FMN1: variants seen among roughly 807,000 people sequenced by gnomAD.
FMN1 encodes the protein formin 1.
In FMN1, 110 loss-of-function variants were observed where a neutral mutation model predicts 132.4. The ratio of observed to expected loss-of-function variants is 0.83; its 90% CI spans 0.71 to 0.97. The LOEUF is 0.97. Among genes scored for constraint, FMN1 ranks in the 50% least tolerant of loss-of-function variants. The pLI is 0.00. For synonymous variants in FMN1, 722 were observed against 651.7 expected, an observed-to-expected ratio of 1.11 and a Z score of -1.64; for missense variants, 1,792 against 1,705.3, an observed-to-expected ratio of 1.05 and a Z score of -0.90.
intron 16 of FMN1, among the ~76,000 whole-genome samples, chr15:32,884,128 T>C (rs1190834516): frequency 2.6e-5 from 4 of 152,230 alleles, no homozygotes; most frequent in African/African-American, 9.6e-5. Context: ...TATTAGTTTC[T>C]GATTGCTACT....
chr15:32,879,921 C>G (rs2059725146), intron 16 of FMN1, among the ~76,000 whole-genome samples: 1 of 152,136 alleles, frequency 6.6e-6, no homozygotes, highest in Non-Finnish European at 1.5e-5. Context: ...ACATTCTATG[C>G]ACTTTAAGAA....
rs117504528 is a variant in FMN1, at chr15:32,828,112, G to C, written c.3929-23780C>G. On this transcript the variant is annotated intron_variant, in intron 17 of 20. Coordinates refer to ENST00000616417, the MANE Select transcript of FMN1 (RefSeq NM_001277313.2). ...GTTTGAAACCAGCCTGACCAACATG[G>C]TGAAATACAAAAATTAGCCGGCATG... 3.5e-3 allele frequency among the ~76,000 whole-genome samples: 532 copies of C among 152,124 alleles called. 13 individuals are homozygous for C. In the East Asian group the frequency reaches 0.067, roughly 19 times the overall value.
At chr15:33,002,129 G>C (rs1407753791) in intron 7 of FMN1, among the ~76,000 whole-genome samples, 2 of 152,134 alleles carry the variant, frequency 1.3e-5, no homozygotes, top group African/African-American at 4.8e-5. Context: ...ATTCCAAAAA[G>C]ACCTAAATGT....
At chr15:33,040,856 C>A (rs1407785438) in intron 6 of FMN1, among the ~76,000 whole-genome samples, 1 of 152,184 alleles carries the variant, frequency 6.6e-6, no homozygotes, top group Non-Finnish European at 1.5e-5. Flanking sequence ...GAGGACAGAT[C>A]TGAAAACCAT....
intron 20 of FMN1, 76 bp downstream of exon 20, chr15:32,776,759 T>C: frequency 1.3e-6 from 1 of 799,172 alleles, no homozygotes; most frequent in Admixed American, 2.2e-5. Flanking sequence ...ATGTTTCATC[T>C]CTGAGCTTTA....
chr15:32,898,146 C>G (rs950982842), intron 15 of FMN1, among the ~76,000 whole-genome samples: 1 of 152,118 alleles, frequency 6.6e-6, no homozygotes, highest in Non-Finnish European at 1.5e-5. Flanking sequence ...ATTCTTCCCT[C>G]GATGCTTAGG....
chr15:32,964,626 C>T (rs1284936648), intron 8 of FMN1, among the ~76,000 whole-genome samples: 1 of 152,122 alleles, frequency 6.6e-6, no homozygotes, highest in Non-Finnish European at 1.5e-5. Flanking sequence ...CATATAAAGG[C>T]TGAGAAGATA....
chr15:33,186,143 G>A (rs1260672756), intron 2 of FMN1, among the ~76,000 whole-genome samples: 1 of 150,830 alleles, frequency 6.6e-6, no homozygotes, highest in Non-Finnish European at 1.5e-5. Flanking sequence ...CCAAAAGGAA[G>A]CCTCATGGCC....
At chr15:32,883,556 C>T (rs692950) in intron 16 of FMN1, among the ~76,000 whole-genome samples, 39,647 of 125,038 alleles carry the variant, frequency 0.32, 6,291 homozygotes, top group African/African-American at 0.45. Flanking sequence ...TGAGATCAAG[C>T]GGTAAGTAAT....
At chr15:32,989,275 A>T (rs1416740928) in intron 7 of FMN1, among the ~76,000 whole-genome samples, 1 of 152,200 alleles carries the variant, frequency 6.6e-6, no homozygotes, top group Admixed American at 6.5e-5. Flanking sequence ...AGGTAGGTGG[A>T]GGTACCTCTG....
intron 13 of FMN1, among the ~76,000 whole-genome samples, chr15:32,900,617 A>G (rs1161115272): frequency 6.6e-6 from 1 of 152,260 alleles, no homozygotes; most frequent in Non-Finnish European, 1.5e-5. Flanking sequence ...TTTCAGAGCT[A>G]AACTACAATA....
At chr15:33,046,071 T>C (rs757007118) in intron 6 of FMN1, among the ~76,000 whole-genome samples, 29 of 152,216 alleles carry the variant, frequency 1.9e-4, no homozygotes, top group African/African-American at 7.0e-4. Context: ...TAATTTATTA[T>C]TACTGTTATA....
chr15:32,860,345 A>T (rs550737852), intron 16 of FMN1, among the ~76,000 whole-genome samples: 1 of 152,114 alleles, frequency 6.6e-6, no homozygotes, highest in Non-Finnish European at 1.5e-5. Flanking sequence ...CACGTGTAGG[A>T]AAGTTTAAAT....
chr15:32,897,436 G>A (rs1378798873), intron 15 of FMN1, among the ~76,000 whole-genome samples: 1 of 152,068 alleles, frequency 6.6e-6, no homozygotes, highest in East Asian at 1.9e-4. Context: ...TTCCAGAGAG[G>A]AGTAATGAGA....
chr15:32,976,108 G>A (rs2032181488), intron 7 of FMN1, among the ~76,000 whole-genome samples: 1 of 152,128 alleles, frequency 6.6e-6, no homozygotes, highest in African/African-American at 2.4e-5. Context: ...TCTCTAGGTG[G>A]TGCTGCCAGG....
intron 4 of FMN1, chr15:33,151,218 G>A: frequency 6.5e-7 from 1 of 1,532,072 alleles, no homozygotes; most frequent in Non-Finnish European, 8.7e-7. Flanking sequence ...CCTATAGGAA[G>A]TCTCCACAGT....
Position 32,907,813 on chromosome 15 carries a change from C to A in FMN1, c.3377+677G>T, listed in dbSNP as rs2060463483. Among the ~76,000 whole-genome samples the A allele has an allele frequency of 2.0e-5, 3 of 150,580 alleles. No individual in the cohort carries two copies. In the South Asian group the frequency reaches 6.3e-4, roughly 32 times the overall value. On this transcript the variant is annotated intron_variant, in intron 12 of 20. Transcript: ENST00000616417. ...AACCCATTTTACAGTCTCACAGAGT[C>A]CTAAGCCCTGGAAAGCTGGGCAGGG...
intron 17 of FMN1, among the ~76,000 whole-genome samples, chr15:32,819,489 T>C (rs2058150730): frequency 2.0e-5 from 3 of 152,188 alleles, no homozygotes; most frequent in Non-Finnish European, 1.5e-5. Context: ...CGCCATGACA[T>C]GGAGTGAACA....
At chr15:32,960,712 G>A (rs745424518) in intron 9 of FMN1, among the ~76,000 whole-genome samples, 6 of 152,020 alleles carry the variant, frequency 3.9e-5, no homozygotes, top group South Asian at 2.1e-4. Context: ...ACAAGGAAAC[G>A]TAGCCTGGCA....
Sources: gnomAD v4.1 joint callset for allele counts (sites outside exome capture counted in the v4.1 genomes callset) on GRCh38, gnomAD v4.1.1 for gene constraint, MANE v1.5 for transcripts, NCBI Gene and HGNC (gene_info 2026-07-23, HGNC 2026-07-21) for gene names.